The following AKAP13 variants were observed in gnomAD, a reference collection of about 807,000 sequenced individuals.
The protein encoded by AKAP13 is A-kinase anchoring protein 13.
Under a neutral mutation model 264.5 loss-of-function variants are expected in AKAP13, and 80 were observed. The ratio of observed to expected loss-of-function variants is 0.30; its 90% CI spans 0.25 to 0.36. The LOEUF (loss-of-function observed/expected upper bound fraction) is 0.36. AKAP13 is among the 10% of genes least tolerant of loss of function. AKAP13 has a pLI of 1.00. For missense variants in AKAP13, 3,712 were observed against 3,435.2 expected (o/e 1.08, Z -2.01); for synonymous variants, 1,380 against 1,250.2 (o/e 1.10, Z -2.19).
At chr15:85,682,699 C>A (rs954462895) in intron 15 of AKAP13, among the ~76,000 whole-genome samples, 1 of 151,934 alleles carries the variant, frequency 6.6e-6, no homozygotes, top group Non-Finnish European at 1.5e-5. Flanking sequence ...CAGAGTTTCG[C>A]TCTTGTTGCC....
At chr15:85,434,016 G>A (rs1405719403) in intron 1 of AKAP13, among the ~76,000 whole-genome samples, 8 of 151,986 alleles carry the variant, frequency 5.3e-5, no homozygotes, top group Non-Finnish European at 1.2e-4. Context: ...AGCTCCCAGC[G>A]TGAGCGACGC....
intron 8 of AKAP13, among the ~76,000 whole-genome samples, chr15:85,638,125 C>T (rs1387041233): frequency 6.6e-6 from 1 of 151,926 alleles, no homozygotes; most frequent in Non-Finnish European, 1.5e-5. Context: ...ACCTTGTGAT[C>T]CGCCCGCCTC....
chr15:85,390,457 C>T (rs2070798489), intron 1 of AKAP13, among the ~76,000 whole-genome samples: 1 of 151,998 alleles, frequency 6.6e-6, no homozygotes, highest in South Asian at 2.1e-4. Flanking sequence ...CCTGGTGTGG[C>T]TGGAATGGGT....
intron 1 of AKAP13, among the ~76,000 whole-genome samples, chr15:85,469,033 G>A (rs2151018414): frequency 7.3e-6 from 1 of 136,238 alleles, no homozygotes; most frequent in East Asian, 2.1e-4. Context: ...TCCTGCCTCG[G>A]CCTCCCCAGT....
chr15:85,743,412 A>C, intron 35 of AKAP13, 80 bp from the exon 36 acceptor site: 1 of 1,479,862 alleles, frequency 6.8e-7, no homozygotes. Context: ...CACCCAGTTG[A>C]ATTCAGCCAG....
intron 23 of AKAP13, among the ~76,000 whole-genome samples, chr15:85,721,758 G>A (rs557762358): frequency 3.9e-5 from 6 of 152,314 alleles, no homozygotes; most frequent in African/African-American, 1.2e-4. Context: ...TTTCAAATCT[G>A]TATAACAGCT....
intron 3 of AKAP13, among the ~76,000 whole-genome samples, chr15:85,528,723 T>C (rs1356733116): frequency 6.6e-6 from 1 of 152,110 alleles, no homozygotes; most frequent in Non-Finnish European, 1.5e-5. Context: ...AGCAGACTTC[T>C]CCCACCCCAT....
chr15:85,526,954 ATT>A (rs11073395), intron 3 of AKAP13, among the ~76,000 whole-genome samples: 329 of 131,274 alleles, frequency 2.5e-3, no homozygotes, highest in Admixed American at 3.1e-3. Context: ...CTTAGTTGTA[ATT>A]TTTTTTTTTT....
chr15:85,492,561 G>A (rs969945469), intron 2 of AKAP13, among the ~76,000 whole-genome samples: 6 of 152,112 alleles, frequency 3.9e-5, no homozygotes, highest in Non-Finnish European at 7.3e-5. Flanking sequence ...AAATATTTCA[G>A]CATATATTTC....
chr15:85,585,854 C>T, intron 8 of AKAP13, 31 bp downstream of exon 8: 1 of 1,610,520 alleles, frequency 6.2e-7, no homozygotes, highest in Non-Finnish European at 8.5e-7. Flanking sequence ...TATAAGGGCA[C>T]AAAATGTGTT....
chr15:85,483,627 C>T (rs1363544187), intron 1 of AKAP13, among the ~76,000 whole-genome samples: 6 of 46,754 alleles, frequency 1.3e-4, no homozygotes, highest in Non-Finnish European at 1.2e-4. Flanking sequence ...AGCGAGACTC[C>T]GTCTCAAAAA....
intron 14 of AKAP13, among the ~76,000 whole-genome samples, chr15:85,675,079 C>A (rs62022919): frequency 0.16 from 24,999 of 151,978 alleles, 2,342 homozygotes; most frequent in Non-Finnish European, 0.22. Flanking sequence ...TCCTTTATAT[C>A]ATATATATGT....
At chr15:85,599,556 G>A (rs1487275465) in intron 8 of AKAP13, among the ~76,000 whole-genome samples, 1 of 152,158 alleles carries the variant, frequency 6.6e-6, no homozygotes, top group African/African-American at 2.4e-5. Flanking sequence ...TCATCTTGGG[G>A]AGCTACTGTG....
At position 85,724,676 on chromosome 15, in the gene AKAP13, G is replaced by A. The variant is rs1016726809; in HGVS notation, c.6745+1356G>A. Among the ~76,000 whole-genome samples the A allele has an allele frequency of 4.6e-5, 7 of 151,524 alleles. No homozygotes were observed. Among genetic ancestry groups the A allele is most frequent in the East Asian group, 2.0e-4 (1 of 5,108 alleles). ...AAAGAATGGGTTCAAAAACGAGAACGGCAAGCAGGAGAGGGATACATGAGG... is the reference window on the plus strand; with the variant it reads ...AAAGAATGGGTTCAAAAACGAGAACAGCAAGCAGGAGAGGGATACATGAGG... On this transcript the variant is annotated intron_variant, in intron 26 of 36. Transcript: ENST00000394518. This position sits in a 1 kb window ranked among gnomAD's most constrained non-coding sequence, Gnocchi z 4.2.
At chr15:85,395,020 GATAA>G (rs1215036317) in intron 1 of AKAP13, among the ~76,000 whole-genome samples, 3 of 152,128 alleles carry the variant, frequency 2.0e-5, no homozygotes, top group Non-Finnish European at 2.9e-5. Flanking sequence ...AGAATTATTT[GATAA>G]ATAGTGTGTC....
At chr15:85,660,923 C>T (rs1245128301) in intron 12 of AKAP13, among the ~76,000 whole-genome samples, 1 of 152,132 alleles carries the variant, frequency 6.6e-6, no homozygotes, top group Admixed American at 6.5e-5. Context: ...CTCCTTTCTC[C>T]AGCCAAAAAC....
intron 8 of AKAP13, among the ~76,000 whole-genome samples, chr15:85,632,319 C>A (rs1476970848): frequency 6.6e-6 from 1 of 152,204 alleles, no homozygotes; most frequent in Non-Finnish European, 1.5e-5. Context: ...GCTGAGAAAT[C>A]TAAACCTGAA....
At chr15:85,432,597 T>A (rs2073070809) in intron 1 of AKAP13, among the ~76,000 whole-genome samples, 1 of 152,190 alleles carries the variant, frequency 6.6e-6, no homozygotes, top group Admixed American at 6.5e-5. Context: ...CTTTACTTTG[T>A]TATCTGAAAA....
At chr15:85,470,121 CTACAAAAAA>C (rs1395719704) in intron 1 of AKAP13, among the ~76,000 whole-genome samples, 4 of 152,122 alleles carry the variant, frequency 2.6e-5, no homozygotes, top group Admixed American at 2.0e-4. Flanking sequence ...AACCCTGTCT[CTACAAAAAA>C]TACAAAAAAT....
Sources: gnomAD v4.1 joint callset for allele counts (sites outside exome capture counted in the v4.1 genomes callset) on GRCh38, gnomAD v4.1.1 for gene constraint, Gnocchi (gnomAD v3.1) non-coding constraint, MANE v1.5 for transcripts, NCBI Gene and HGNC (gene_info 2026-07-23, HGNC 2026-07-21) for gene names.